The following PTPRD variants were observed in gnomAD, a reference collection of about 807,000 sequenced individuals.
The protein encoded by PTPRD is receptor-type tyrosine-protein phosphatase delta.
In PTPRD, 34 loss-of-function variants were observed where a neutral mutation model predicts 214.5. The observed-to-expected ratio is 0.16, with a 90% CI of 0.12 to 0.21. The LOEUF (loss-of-function observed/expected upper bound fraction) is 0.21, where lower values mean the gene tolerates loss of function less well. Ranked by LOEUF, PTPRD falls within the 10% of genes least tolerant of loss-of-function variation. The pLI is 1.00. For synonymous variants in PTPRD, 1,128 were observed against 845.7 expected (o/e 1.33, Z -5.79); for missense variants, 2,545 against 2,398.7 (o/e 1.06, Z -1.27).
In PTPRD at chr9:9,999,147, A is replaced by G. The variant is rs1393635952; in HGVS notation, c.-472+34571T>C. On this transcript the variant is annotated intron_variant, in intron 4 of 45. Coordinates refer to ENST00000381196, the MANE Select transcript of PTPRD (RefSeq NM_002839.4). The stretch of plus-strand genomic sequence containing the variant: ...TAACCCAGGAGATCTGGTATTAGTG[A>G]AAACTCTCACTTCTGCTTTCTTCCC... Among the ~76,000 whole-genome samples, 61 of 152,200 alleles carry G rather than the reference A, an allele frequency of 4.0e-4. 1 individual carries two copies. Among genetic ancestry groups the G allele is most frequent in the Admixed American group, 4.0e-3 (61 of 15,278 alleles).
chr9:9,992,813 G>T lies in PTPRD; in HGVS notation c.-472+40905C>A, dbSNP rs187871772. On this transcript the variant is annotated intron_variant, in intron 4 of 45. Transcript: ENST00000381196. Reference sequence around the variant, plus strand: ...TGGGGCCTGCTGGGGGATGGGGAGAGGGGGGAGGGATAGCATTAGGAGATA... The same window carrying T: ...TGGGGCCTGCTGGGGGATGGGGAGATGGGGGAGGGATAGCATTAGGAGATA... 3.5e-3 allele frequency among the ~76,000 whole-genome samples: 533 copies of T among 152,038 alleles called. 3 individuals are homozygous for T. Among genetic ancestry groups the T allele is most frequent in the African/African-American group, 0.012 (502 of 41,438 alleles).
intron 3 of PTPRD, among the ~76,000 whole-genome samples, chr9:10,086,143 G>GGC (rs2098333589): frequency 6.6e-6 from 1 of 151,622 alleles, no homozygotes; most frequent in Non-Finnish European, 1.5e-5. Flanking sequence ...ACGTAATGAG[G>GGC]GCTAAAAATG....
chr9:9,313,924 A>G (rs1960833414), intron 9 of PTPRD, among the ~76,000 whole-genome samples: 2 of 152,166 alleles, frequency 1.3e-5, no homozygotes, highest in East Asian at 1.9e-4. Flanking sequence ...TGTGGAAACA[A>G]GATTCCTTTG....
chr9:9,390,824 G>A (rs1358873356), intron 9 of PTPRD, among the ~76,000 whole-genome samples: 2 of 152,156 alleles, frequency 1.3e-5, no homozygotes, highest in Non-Finnish European at 2.9e-5. Flanking sequence ...ATCTGTGTTT[G>A]TTTCCTCATC....
chr9:8,724,189 T>C (rs1598025821), intron 12 of PTPRD, among the ~76,000 whole-genome samples: 2 of 152,132 alleles, frequency 1.3e-5, no homozygotes, highest in South Asian at 2.1e-4. Context: ...AAGATAAATT[T>C]GGGGGGAATT....
intron 11 of PTPRD, among the ~76,000 whole-genome samples, chr9:9,001,540 G>T (rs2099418372): frequency 6.6e-6 from 1 of 151,946 alleles, no homozygotes. Context: ...GGCTTCTTTA[G>T]GTTCAATACT....
At chr9:10,328,388 G>A (rs2096685346) in intron 3 of PTPRD, among the ~76,000 whole-genome samples, 1 of 151,700 alleles carries the variant, frequency 6.6e-6, no homozygotes. Flanking sequence ...TTTCTGGGGT[G>A]CTCTTGCCTT....
At chr9:8,774,470 T>G (rs923256191) in intron 11 of PTPRD, among the ~76,000 whole-genome samples, 4 of 151,068 alleles carry the variant, frequency 2.6e-5, no homozygotes, top group African/African-American at 4.9e-5. Flanking sequence ...GATTTTATGA[T>G]GTAACATAAA....
rs188624335 is a variant in PTPRD, at chr9:9,835,251, C to T, written c.-367-68400G>A. On this transcript the variant is annotated intron_variant, in intron 5 of 45. Coordinates refer to ENST00000381196, the MANE Select transcript of PTPRD (RefSeq NM_002839.4). ...AGGATAATACATTCCAAAATGAAGG[C>T]CACTTGTGCCTCTGCCATGAGATAA... 5.2e-3 allele frequency among the ~76,000 whole-genome samples: 796 copies of T among 152,158 alleles called. 8 individuals are homozygous for T. The highest frequency in any genetic ancestry group is 0.019 in the African/African-American group (770 of 41,532).
intron 12 of PTPRD, among the ~76,000 whole-genome samples, chr9:8,711,213 G>C (rs1258177867): frequency 1.3e-5 from 2 of 151,854 alleles, no homozygotes; most frequent in Non-Finnish European, 2.9e-5. Flanking sequence ...TAAAATAATT[G>C]TCTTGGTAAT....
chr9:9,571,931 C>A (rs1334477922), intron 8 of PTPRD, among the ~76,000 whole-genome samples: 1 of 150,826 alleles, frequency 6.6e-6, no homozygotes, highest in Non-Finnish European at 1.5e-5. Context: ...CACCTGGAGT[C>A]CATTAACTGT....
intron 9 of PTPRD, among the ~76,000 whole-genome samples, chr9:9,338,639 A>T (rs1569567500): frequency 1.3e-5 from 2 of 152,140 alleles, no homozygotes; most frequent in African/African-American, 2.4e-5. Flanking sequence ...CAAAATTTTT[A>T]AAATCTAAAG....
chr9:9,431,734 T>A (rs1199135195), intron 8 of PTPRD, among the ~76,000 whole-genome samples: 1 of 151,898 alleles, frequency 6.6e-6, no homozygotes, highest in African/African-American at 2.4e-5. Context: ...GTAAAAAGGA[T>A]GAGTTCATGT....
intron 2 of PTPRD, among the ~76,000 whole-genome samples, chr9:10,517,815 T>C (rs1296354744): frequency 6.6e-6 from 1 of 152,136 alleles, no homozygotes; most frequent in Non-Finnish European, 1.5e-5. Context: ...ATTGACATAA[T>C]ATTCATTTAT....
rs370697263 is a variant in PTPRD at position 10,513,182 on chromosome 9, A to ATGTG, written c.-600+99212_-600+99215dup. The stretch of plus-strand genomic sequence containing the variant: ...TATTTGGTTTTATGATTGTGTGTGT[A>ATGTG]TGTGTGTGTGTGTGTGTGTGATTTA... On this transcript the variant is annotated intron_variant, in intron 2 of 45. Transcript: ENST00000381196. Among the ~76,000 whole-genome samples, 124 of 148,332 alleles carry ATGTG rather than the reference A, an allele frequency of 8.4e-4. 1 individual carries two copies. The highest frequency in any genetic ancestry group is 6.9e-3 in the Middle Eastern group (2 of 290).
At chr9:9,781,528 G>T (rs1393878013) in intron 5 of PTPRD, among the ~76,000 whole-genome samples, 1 of 152,134 alleles carries the variant, frequency 6.6e-6, no homozygotes, top group Non-Finnish European at 1.5e-5. Flanking sequence ...TTGCCTAATT[G>T]AAGTATCAGG....
chr9:9,069,933 A>G (rs2099741310), intron 10 of PTPRD, among the ~76,000 whole-genome samples: 1 of 152,182 alleles, frequency 6.6e-6, no homozygotes, highest in Non-Finnish European at 1.5e-5. Context: ...GAGAAAAAGA[A>G]CCTATAAAAT....
At chr9:10,045,830 T>G (rs2097379439) in intron 3 of PTPRD, among the ~76,000 whole-genome samples, 1 of 151,778 alleles carries the variant, frequency 6.6e-6, no homozygotes, top group South Asian at 2.1e-4. Context: ...TTTATTTTCA[T>G]CAAATGATTT....
intron 11 of PTPRD, among the ~76,000 whole-genome samples, chr9:8,759,637 C>T (rs1598931332): frequency 1.5e-5 from 2 of 136,258 alleles, no homozygotes; most frequent in African/African-American, 3.0e-5. Context: ...TTTTTGTCCT[C>T]ATCAATCTTC....
Sources: gnomAD v4.1 joint callset for allele counts (sites outside exome capture counted in the v4.1 genomes callset) on GRCh38, gnomAD v4.1.1 for gene constraint, MANE v1.5 for transcripts, NCBI Gene and HGNC (gene_info 2026-07-23, HGNC 2026-07-21) for gene names.